LRRC72: variants seen among roughly 807,000 people sequenced by gnomAD.
LRRC72 encodes the protein leucine-rich repeat-containing protein 72.
LRRC72 carries 41 observed loss-of-function variants against 35.8 expected under a neutral mutation model. The ratio of observed to expected loss-of-function variants is 1.15; its 90% CI spans 0.89 to 1.49. The LOEUF (loss-of-function observed/expected upper bound fraction) is 1.49, where lower values mean the gene tolerates loss of function less well. Among genes scored for constraint, LRRC72 ranks in the 40% most tolerant of loss-of-function variants. LRRC72 has a pLI of 0.00. For synonymous variants in LRRC72, 118 were observed against 119.2 expected, an observed-to-expected ratio of 0.99 and a Z score of 0.07; for missense variants, 389 against 330.7, an observed-to-expected ratio of 1.18 and a Z score of -1.37.
At chr7:16,551,586 C>T (rs935666169) in intron 3 of LRRC72, among the ~76,000 whole-genome samples, 3 of 152,068 alleles carry the variant, frequency 2.0e-5, no homozygotes, top group Admixed American at 6.5e-5. Context: ...TCAATTATGC[C>T]TATGTAATAA....
intron 2 of LRRC72, among the ~76,000 whole-genome samples, chr7:16,535,784 C>T (rs1296977375): frequency 6.6e-6 from 1 of 152,180 alleles, no homozygotes; most frequent in African/African-American, 2.4e-5. Context: ...TGCATTTGAT[C>T]AATAGGAAAC....
intron 4 of LRRC72, 52 bp downstream of exon 4, chr7:16,557,493 T>G (rs1396985148): frequency 1.8e-5 from 11 of 620,412 alleles, no homozygotes; most frequent in Non-Finnish European, 2.4e-5. Flanking sequence ...AAGTAATAAC[T>G]TTCAACTATG....
intron 7 of LRRC72, among the ~76,000 whole-genome samples, chr7:16,568,316 A>C (rs1782885416): frequency 1.3e-5 from 2 of 152,202 alleles, no homozygotes; most frequent in Admixed American, 1.3e-4. Flanking sequence ...CAAAGGTAAA[A>C]TCCTTTTCTT....
In LRRC72 at chr7:16,567,441, A is replaced by G; in HGVS notation, c.568A>G (p.Lys190Glu). ...AATGATTACCATTTTTAACCATAAA[A>G]AGGCTCATATCGTTCAATCAATAGC... ...RSMITIFNHK[K>E]AHIVQSIAFG... Residue 190 changes from lysine to glutamate, a missense_variant, in exon 7 of 9, where the codon AAG becomes GAG. Lys to Glu is a moderately conservative substitution (Grantham distance 56, BLOSUM62 1). Transcript: ENST00000401542. The G allele has an allele frequency of 2.0e-6, 3 of 1,522,608 alleles. No homozygotes were observed. The highest frequency in any genetic ancestry group is 2.6e-6 in the Non-Finnish European group (3 of 1,134,668). The allele number at this position is 1,522,608 out of a possible 1,614,324, so 94.3% of individuals were successfully genotyped here. A position where few individuals can be genotyped will look rare whatever the true frequency, so the allele number is the denominator to read the frequency against.
At chr7:16,579,224 C>G (rs574347797) in intron 7 of LRRC72, among the ~76,000 whole-genome samples, 1 of 152,092 alleles carries the variant, frequency 6.6e-6, no homozygotes, top group East Asian at 1.9e-4. Context: ...AAGTCGTACA[C>G]CTTAAATATA....
chr7:16,533,855 T>A (rs78914993), intron 2 of LRRC72, among the ~76,000 whole-genome samples: 1,747 of 152,248 alleles, frequency 0.011, 30 homozygotes, highest in African/African-American at 0.04. Flanking sequence ...TCGATATAGG[T>A]CAGTTAGTTT....
At chr7:16,548,128 T>C (rs541265875) in intron 3 of LRRC72, among the ~76,000 whole-genome samples, 2 of 152,358 alleles carry the variant, frequency 1.3e-5, no homozygotes, top group African/African-American at 4.8e-5. Context: ...TGCTGAGAGC[T>C]GGACACTTGT....
At chr7:16,579,297 C>T (rs945108797) in intron 7 of LRRC72, among the ~76,000 whole-genome samples, 1 of 152,052 alleles carries the variant, frequency 6.6e-6, no homozygotes, top group Non-Finnish European at 1.5e-5. Context: ...AAAGAAAGAG[C>T]CTAGGATGAT....
At chr7:16,570,757 T>G (rs1196893307) in intron 7 of LRRC72, among the ~76,000 whole-genome samples, 3 of 152,018 alleles carry the variant, frequency 2.0e-5, no homozygotes, top group African/African-American at 7.2e-5. Flanking sequence ...GAGGTGGAGG[T>G]TGCAGTGAGC....
intron 7 of LRRC72, among the ~76,000 whole-genome samples, chr7:16,567,906 T>C (rs1272415235): frequency 6.6e-6 from 1 of 152,096 alleles, no homozygotes; most frequent in Non-Finnish European, 1.5e-5. Flanking sequence ...ATATAATTTT[T>C]GATAATATAG....
At chr7:16,556,354 C>T (rs1487442242) in intron 3 of LRRC72, among the ~76,000 whole-genome samples, 1 of 152,106 alleles carries the variant, frequency 6.6e-6, no homozygotes, top group African/African-American at 2.4e-5. Context: ...CTCTAGTGTT[C>T]AAGTGATTAA....
chr7:16,538,617 C>T (rs1257908160), intron 3 of LRRC72, among the ~76,000 whole-genome samples: 1 of 152,174 alleles, frequency 6.6e-6, no homozygotes, highest in East Asian at 1.9e-4. Flanking sequence ...CCAGTTGCTA[C>T]CAGATATGGT....
intron 7 of LRRC72, among the ~76,000 whole-genome samples, chr7:16,569,829 G>C (rs1205090649): frequency 6.6e-6 from 1 of 151,968 alleles, no homozygotes; most frequent in South Asian, 2.1e-4. Flanking sequence ...TCAGGAGTTT[G>C]AGACCAGCCT....
intron 2 of LRRC72, among the ~76,000 whole-genome samples, chr7:16,534,673 G>A (rs73076799): frequency 0.19 from 28,959 of 151,762 alleles, 2,820 homozygotes; most frequent in Non-Finnish European, 0.2. Flanking sequence ...AAAATAAAAT[G>A]AAATAACTTT....
Position 16,532,522 on chromosome 7 carries a change from G to C in LRRC72, c.118G>C (p.Gly40Arg). The C allele has an allele frequency of 6.5e-7, 1 of 1,550,056 alleles. No individual in the cohort carries two copies. The highest frequency in any genetic ancestry group is 8.7e-7 in the Non-Finnish European group (1 of 1,146,488). ...AGTTGAAGATCAGCTAAAGATATGT[G>C]GCCACAGGAGGGATGCTGATGTCTT... ...RAVEDQLKIC[G>R]HRRDADVFEL... Residue 40 changes from glycine (G) to arginine (R), a missense_variant, in exon 2 of 9, where the codon GGC (glycine) becomes CGC (arginine). Transcript: ENST00000401542.
Position 16,557,424 on chromosome 7 carries a change from C to A in LRRC72, c.299C>A (p.Ala100Glu). Residue 100 changes from alanine to glutamate, a missense_variant, in exon 4 of 9, where the codon GCA becomes GAA. Transcript: ENST00000401542. ...CLTELYLNNNAIFEIEGLHYL... is the reference protein window; with the variant it reads ...CLTELYLNNNEIFEIEGLHYL... ...ACAGAACTATATCTAAACAACAATG[C>A]AATATTTGAGATAGAAGGTACGTCT... The A allele has an allele frequency of 1.6e-6, 2 of 1,289,242 alleles. No homozygotes were observed. Among genetic ancestry groups the A allele is most frequent in the Non-Finnish European group, 2.0e-6 (2 of 983,188 alleles). 79.9% of individuals were successfully genotyped at this position (1,289,242 alleles called of 1,614,324 possible). A position where few individuals can be genotyped will look rare whatever the true frequency, so the allele number is the denominator to read the frequency against.
At chr7:16,555,803 T>A (rs936742039) in intron 3 of LRRC72, among the ~76,000 whole-genome samples, 2 of 152,064 alleles carry the variant, frequency 1.3e-5, no homozygotes, top group African/African-American at 4.8e-5. Flanking sequence ...GTTCCTATGA[T>A]AAGCTTTAGA....
chr7:16,556,635 G>C (rs991384731), intron 3 of LRRC72, among the ~76,000 whole-genome samples: 2 of 152,172 alleles, frequency 1.3e-5, no homozygotes, highest in Non-Finnish European at 2.9e-5. Context: ...TAGAGAAGAG[G>C]AGATGGTTAT....
chr7:16,563,639 G>A (rs1322718181), intron 5 of LRRC72, among the ~76,000 whole-genome samples: 4 of 152,126 alleles, frequency 2.6e-5, no homozygotes, highest in Admixed American at 6.6e-5. Flanking sequence ...GTTGATTTTA[G>A]CAGCATCAAT....
Sources: gnomAD v4.1 joint callset for allele counts (sites outside exome capture counted in the v4.1 genomes callset) on GRCh38, gnomAD v4.1.1 for gene constraint, MANE v1.5 for transcripts, NCBI Gene and HGNC (gene_info 2026-07-23, HGNC 2026-07-21) for gene names.